Variants in CPLANE1 observed in about 807,000 individuals in gnomAD.
The protein encoded by CPLANE1 is ciliogenesis and planar polarity effector 1.
CPLANE1 carries 263 observed loss-of-function variants against 362.5 expected under a neutral mutation model. The observed-to-expected ratio is 0.73, with a 90% CI of 0.66 to 0.80. The LOEUF (loss-of-function observed/expected upper bound fraction) is 0.80. Ranked by LOEUF, CPLANE1 falls within the 30% of genes least tolerant of loss-of-function variation. CPLANE1 has a pLI of 0.00. For synonymous variants in CPLANE1, 1,212 were observed against 1,302.6 expected (o/e 0.93, Z 1.50); for missense variants, 3,461 against 3,793.4 (o/e 0.91, Z 2.30).
the CPLANE1 span, chr5:37,085,595 A>T: frequency 1.1e-6 from 1 of 885,208 alleles, no homozygotes; most frequent in Non-Finnish European, 1.9e-6. Context: ...GTACACTGGT[A>T]ACCTGTGTAT....
intron 32 of CPLANE1, among the ~76,000 whole-genome samples, chr5:37,173,120 A>G (rs1402018533): frequency 6.6e-6 from 1 of 152,216 alleles, no homozygotes; most frequent in Admixed American, 6.5e-5. Flanking sequence ...TTTAGATCTG[A>G]AGGAAACTAA....
At chr5:37,178,717 G>A (rs548153294) in intron 29 of CPLANE1, among the ~76,000 whole-genome samples, 159 of 151,734 alleles carry the variant, frequency 1.0e-3, no homozygotes, top group African/African-American at 3.8e-3. Context: ...ATATCAAAAA[G>A]TATATATATG....
Position 37,224,735 on chromosome 5 carries a change from A to T in CPLANE1, c.2297T>A (p.Leu766His). 1.9e-6 allele frequency: 3 copies of T among 1,544,612 alleles called. No homozygotes were observed. Among genetic ancestry groups the T allele is most frequent in the Non-Finnish European group, 2.6e-6 (3 of 1,141,232 alleles). The change falls in exon 13 of 53, where the codon CTT becomes CAT. Residue 766 changes from leucine (L) to histidine (H), a missense_variant. This residue lies in a region of CPLANE1 where 3,380 missense variants were observed against 3,666.1 expected (regional missense o/e 0.92). Transcript: ENST00000651892. ...NPVQQPGHRL[L>H]ILWRILYKKT... ...TTTGTACAGTATTCTCCAGAGAATA[A>T]GCAATCTGCACATAAAATCAGGTAA...
rs770395082 is a variant in CPLANE1, at chr5:37,107,658, T to A, written c.9700A>T (p.Met3234Leu). The A allele has an allele frequency of 3.7e-5, 60 of 1,611,334 alleles. No homozygotes were observed. In the Admixed American group the frequency reaches 3.8e-4, roughly 10 times the overall value. Reference sequence around the variant, plus strand: ...CCCTGGTCCTCCACGCTGGCCACCATGTCTTCGATGGCATTCCAGTCCAGC... The same window carrying A: ...CCCTGGTCCTCCACGCTGGCCACCAAGTCTTCGATGGCATTCCAGTCCAGC... ...SKLDWNAIED[M>L]VASVEDQGLS... is the part of the protein sequence containing the mutation. Residue 3234 changes from methionine (M) to leucine (L), a missense_variant, in exon 53 of 53, where the codon ATG (methionine) becomes TTG (leucine). Physicochemically the swap from Met to Leu is conservative, Grantham distance 15. This residue lies in a region of CPLANE1 where 81 missense variants were observed against 127.3 expected (regional missense o/e 0.64). Coordinates refer to ENST00000651892, the MANE Select transcript of CPLANE1 (RefSeq NM_001384732.1).
At chr5:37,246,636 C>G (rs1301719555) in intron 2 of CPLANE1, among the ~76,000 whole-genome samples, 1 of 152,052 alleles carries the variant, frequency 6.6e-6, no homozygotes, top group Non-Finnish European at 1.5e-5. Flanking sequence ...TTCATATATT[C>G]TAAGGCAGTG....
chr5:37,137,879 T>C (rs1029543036), intron 46 of CPLANE1, among the ~76,000 whole-genome samples: 5 of 151,840 alleles, frequency 3.3e-5, no homozygotes, highest in Non-Finnish European at 5.9e-5. Context: ...GAGATTTGGA[T>C]GGGGACACAG....
chr5:37,140,125 C>CTTAATCTATTCAGTCTTCTA (rs762102130), intron 44 of CPLANE1: 258 of 886,638 alleles, frequency 2.9e-4, no homozygotes, highest in Middle Eastern at 5.8e-4. Context: ...GAGAAAAACA[C>CTTAATCTATTCAGTCTTCTA]TTAATCTATT....
At chr5:37,248,904 C>T (rs960106522) in intron 1 of CPLANE1, among the ~76,000 whole-genome samples, 6 of 152,240 alleles carry the variant, frequency 3.9e-5, no homozygotes, top group African/African-American at 1.4e-4. Flanking sequence ...ACGTTCTATT[C>T]CTCCGGATCC....
At chr5:37,138,669 T>C (rs1212230957) in intron 46 of CPLANE1, 51 bp downstream of exon 46, 2 of 1,558,346 alleles carry the variant, frequency 1.3e-6, no homozygotes, top group Non-Finnish European at 8.7e-7. Flanking sequence ...TTGAACATTC[T>C]TGAATGAGAA....
intron 31 of CPLANE1, among the ~76,000 whole-genome samples, chr5:37,175,074 A>G (rs1301879955): frequency 1.3e-5 from 2 of 152,160 alleles, no homozygotes; most frequent in Non-Finnish European, 2.9e-5. Flanking sequence ...GTGTGATGGA[A>G]GGGGGAATGG....
intron 34 of CPLANE1, 74 bp from the exon 35 acceptor site, chr5:37,167,287 G>A (rs1436959650): frequency 2.6e-6 from 3 of 1,153,892 alleles, no homozygotes; most frequent in South Asian, 2.9e-5. Flanking sequence ...AAAAGACTGA[G>A]GAAAAATACA....
In CPLANE1 at chr5:37,192,603, A is replaced by G. The variant is rs899393909; in HGVS notation, c.3811+3255T>C. On this transcript the variant is annotated intron_variant, in intron 21 of 52. Coordinates refer to ENST00000651892, the MANE Select transcript of CPLANE1 (RefSeq NM_001384732.1). ...CATCTGGCCAGGCACGGTGGCTCAC[A>G]CCTGTAATCCCAGCACTTTGGGAGG... Among the ~76,000 whole-genome samples, 12 of 151,920 alleles carry G rather than the reference A, an allele frequency of 7.9e-5. No individual in the cohort carries two copies. The South Asian group carries it at 1.2e-3, about 16-fold the overall frequency.
chr5:37,085,096 C>T, the CPLANE1 span: 1 of 735,648 alleles, frequency 1.4e-6, no homozygotes, highest in Non-Finnish European at 2.5e-6. Context: ...TAGGTAGCAA[C>T]TCCAAAGCAT....
At chr5:37,144,707 C>T (rs1770979689) in intron 43 of CPLANE1, among the ~76,000 whole-genome samples, 2 of 151,382 alleles carry the variant, frequency 1.3e-5, no homozygotes, top group African/African-American at 2.4e-5. Flanking sequence ...AAAAATTAGC[C>T]GGGCGCGGTG....
chr5:37,145,571 C>T lies in CPLANE1; in HGVS notation c.8461+2610G>A, dbSNP rs373540719. Among the ~76,000 whole-genome samples, 15 of 152,248 alleles carry T rather than the reference C, an allele frequency of 9.9e-5. No individual in the cohort carries two copies. In the East Asian group the frequency reaches 1.9e-3, roughly 20 times the overall value. On this transcript the variant is annotated intron_variant, in intron 43 of 52. Transcript: ENST00000651892. Reference sequence around the variant, plus strand: ...TCAGCCTCCCAAATAGCTGGGACTACAGGTATGCACCACCATGTCCAAATT... The same window carrying T: ...TCAGCCTCCCAAATAGCTGGGACTATAGGTATGCACCACCATGTCCAAATT...
intron 8 of CPLANE1, among the ~76,000 whole-genome samples, chr5:37,234,565 A>G (rs1373823837): frequency 6.6e-6 from 1 of 151,932 alleles, no homozygotes; most frequent in Non-Finnish European, 1.5e-5. Flanking sequence ...AAGTGAGTGA[A>G]CTTATAAATT....
the CPLANE1 span, among the ~76,000 whole-genome samples, chr5:37,083,960 C>T: frequency 1.3e-5 from 2 of 152,200 alleles, no homozygotes; most frequent in African/African-American, 4.8e-5. Context: ...AAAAGATCAT[C>T]ACCTAGGCAC....
chr5:37,079,020 T>C, the CPLANE1 span, among the ~76,000 whole-genome samples: 2 of 152,242 alleles, frequency 1.3e-5, no homozygotes, highest in African/African-American at 4.8e-5. Context: ...GCTCTGGTGA[T>C]AGTTTCTTTT....
chr5:37,218,243 T>C (rs1794585406), intron 15 of CPLANE1, among the ~76,000 whole-genome samples: 3 of 152,286 alleles, frequency 2.0e-5, no homozygotes, highest in Admixed American at 2.0e-4. Context: ...ACATCTGTTT[T>C]CCCTCTGAGA....
Sources: allele counts gnomAD v4.1 joint callset (sites outside exome capture counted in the v4.1 genomes callset), GRCh38; gene constraint gnomAD v4.1.1; regional missense constraint gnomAD v4.1.1; transcripts MANE v1.5; gene names NCBI Gene and HGNC (gene_info 2026-07-23, HGNC 2026-07-21).